PCDHGA5: variants seen among roughly 807,000 people sequenced by gnomAD.
PCDHGA5 encodes protocadherin gamma subfamily A, 5, also known as protocadherin gamma-A5.
PCDHGA5 carries 36 observed loss-of-function variants against 56.7 expected under a neutral mutation model. The observed-to-expected ratio is 0.64, with a 90% CI of 0.49 to 0.84. PCDHGA5 has a LOEUF of 0.84. PCDHGA5 is among the 40% of genes least tolerant of loss of function. PCDHGA5 has a pLI of 0.00. For missense variants in PCDHGA5, 1,305 were observed against 1,201.5 expected (o/e 1.09, Z -1.27); for synonymous variants, 563 against 520.2 (o/e 1.08, Z -1.12).
chr5:141,483,870 G>C (rs548525439), intron 1 of PCDHGA5, among the ~76,000 whole-genome samples: 9 of 152,142 alleles, frequency 5.9e-5, no homozygotes, highest in Non-Finnish European at 1.3e-4. Context: ...TCCAGATCAG[G>C]ATGGATTTTT....
chr5:141,374,564 G>C (rs898196714), intron 1 of PCDHGA5: 10 of 1,613,616 alleles, frequency 6.2e-6, no homozygotes, highest in Middle Eastern at 1.6e-4. Flanking sequence ...CTATGACCCT[G>C]ATGTGGGAAT....
rs377438861 is a variant in PCDHGA5, at chr5:141,364,705, T to G, written c.375T>G (p.Asp125Glu). The G allele has an allele frequency of 8.1e-6, 13 of 1,613,854 alleles. No individual in the cohort carries two copies. The highest frequency in any genetic ancestry group is 6.8e-6 in the Non-Finnish European group (8 of 1,179,894). ...KIYGVEVEII[D>E]INDNFPRFRD... Reference sequence around the variant, plus strand: ...ATGGAGTAGAAGTAGAAATAATCGATATTAATGATAACTTCCCGCGTTTCC... The same window carrying G: ...ATGGAGTAGAAGTAGAAATAATCGAGATTAATGATAACTTCCCGCGTTTCC... Residue 125 changes from aspartate to glutamate, a missense_variant, in exon 1 of 4, where the codon GAT becomes GAG. Physicochemically the swap from Asp to Glu is conservative, Grantham distance 45. Transcript: ENST00000518069.
In PCDHGA5 at chr5:141,485,576, C is replaced by T. The variant is rs1347032247; in HGVS notation, c.2422-9231C>T. ...GAATGATCACGCCCCCCGTTTTCCG[C>T]GGCAGCAGCTGGACTTGGAAATTGG... On this transcript the variant is annotated intron_variant, in intron 1 of 3. Transcript: ENST00000518069. The surrounding 1 kb of genome is among the most constrained non-coding windows in gnomAD (Gnocchi z 5.7). 21 of 1,612,296 alleles carry T rather than the reference C, an allele frequency of 1.3e-5. 1 individual carries two copies. Among genetic ancestry groups the T allele is most frequent in the Non-Finnish European group, 1.8e-5 (21 of 1,178,636 alleles).
intron 1 of PCDHGA5, chr5:141,423,349 T>A (rs2096733716): frequency 6.2e-7 from 1 of 1,614,196 alleles, no homozygotes; most frequent in East Asian, 2.2e-5. Context: ...CTTCCTGGTC[T>A]TTGTCATCGT....
chr5:141,374,711 C>G (rs1770761999), intron 1 of PCDHGA5: 7 of 1,609,366 alleles, frequency 4.3e-6, no homozygotes, highest in Non-Finnish European at 5.1e-6. Flanking sequence ...CGTTTACCGC[C>G]TGGTCCTTAC....
At chr5:141,404,302 T>G (rs377754198) in intron 1 of PCDHGA5, 1 of 1,613,858 alleles carries the variant, frequency 6.2e-7, no homozygotes, top group African/African-American at 1.3e-5. Flanking sequence ...ATAATCCACC[T>G]GCTTTCTCTC....
intron 1 of PCDHGA5, among the ~76,000 whole-genome samples, chr5:141,381,247 GA>G (rs1777085183): frequency 6.6e-6 from 1 of 152,240 alleles, no homozygotes; most frequent in Non-Finnish European, 1.5e-5. Flanking sequence ...CCAGGACCTA[GA>G]AGAATTTACA....
intron 1 of PCDHGA5, among the ~76,000 whole-genome samples, chr5:141,382,012 A>G (rs1777864214): frequency 6.6e-6 from 1 of 151,520 alleles, no homozygotes; most frequent in Admixed American, 6.6e-5. Flanking sequence ...TATTTTTAGT[A>G]GAGACGGGGT....
chr5:141,371,033 A>G, intron 1 of PCDHGA5: 2 of 1,614,008 alleles, frequency 1.2e-6, no homozygotes, highest in Non-Finnish European at 1.7e-6. Context: ...TGGTCCTCAC[A>G]GCTGTGGATG....
chr5:141,381,355 C>T (rs1431564536), intron 1 of PCDHGA5, among the ~76,000 whole-genome samples: 1 of 152,222 alleles, frequency 6.6e-6, no homozygotes, highest in Admixed American at 6.5e-5. Context: ...TTTCTGCTAG[C>T]AGAGGGTAGC....
rs1589320809 is a variant in PCDHGA5, at chr5:141,398,163, G to A, written c.2421+31412G>A. 6 of 1,482,244 alleles carry A rather than the reference G, an allele frequency of 4.0e-6. No homozygotes were observed. The Admixed American group carries it at 1.0e-4, about 26-fold the overall frequency. The allele number at this position is 1,482,244 out of a possible 1,614,324, so 91.8% of individuals were successfully genotyped here. A position where few individuals can be genotyped will look rare whatever the true frequency, so the allele number is the denominator to read the frequency against. Reference sequence around the variant, plus strand: ...GCGCCGGGGAGCTGGGCCGGGCTGAGAGGCTGCCAGTGCTCTTTCTCTTCC... The same window carrying A: ...GCGCCGGGGAGCTGGGCCGGGCTGAAAGGCTGCCAGTGCTCTTTCTCTTCC... On this transcript the variant is annotated intron_variant, in intron 1 of 3. Transcript: ENST00000518069.
chr5:141,457,335 A>G (rs2098917073), intron 1 of PCDHGA5, among the ~76,000 whole-genome samples: 1 of 152,172 alleles, frequency 6.6e-6, no homozygotes, highest in Admixed American at 6.5e-5. Flanking sequence ...CAGGTACCTT[A>G]CTTACTTTCA....
intron 1 of PCDHGA5, among the ~76,000 whole-genome samples, chr5:141,481,065 A>AAAAG (rs1476331686): frequency 6.6e-6 from 1 of 152,164 alleles, no homozygotes; most frequent in African/African-American, 2.4e-5. Context: ...CTCAAAAACA[A>AAAAG]AAAGAAAGAA....
intron 1 of PCDHGA5, chr5:141,404,321 T>C (rs764642673): frequency 1.2e-6 from 2 of 1,613,882 alleles, no homozygotes; most frequent in East Asian, 2.2e-5. Flanking sequence ...TCAAGCCTCC[T>C]ACTCAGTCTA....
In PCDHGA5 at chr5:141,476,504, G is replaced by A; in HGVS notation, c.2422-18303G>A. On this transcript the variant is annotated intron_variant, in intron 1 of 3. Coordinates refer to ENST00000518069, the MANE Select transcript of PCDHGA5 (RefSeq NM_018918.3). This position sits in a 1 kb window ranked among gnomAD's most constrained non-coding sequence, Gnocchi z 7.6. ...GGAAGTGGTGATCCAGGACATCAAC[G>A]ACAACAATCCTGCTTTCCCTACCCA... The A allele has an allele frequency of 6.2e-7, 1 of 1,614,098 alleles. No individual in the cohort carries two copies. The highest frequency in any genetic ancestry group is 2.2e-5 in the East Asian group (1 of 44,854).
chr5:141,422,520 G>T, intron 1 of PCDHGA5: 2 of 1,613,946 alleles, frequency 1.2e-6, no homozygotes, highest in Middle Eastern at 1.6e-4. Flanking sequence ...AGGGAAGCCC[G>T]CCTTTGTCTG....
At chr5:141,370,557 G>A (rs1439774902) in intron 1 of PCDHGA5, 1 of 1,613,966 alleles carries the variant, frequency 6.2e-7, no homozygotes, top group East Asian at 2.2e-5. Context: ...CAAGGACCTG[G>A]GGTTTGGCGT....
intron 1 of PCDHGA5, among the ~76,000 whole-genome samples, chr5:141,402,192 CTT>C (rs1205831935): frequency 6.6e-6 from 1 of 152,006 alleles, no homozygotes; most frequent in Non-Finnish European, 1.5e-5. Flanking sequence ...ATTAATATTA[CTT>C]TTATAATACA....
chr5:141,371,529 A>G lies in PCDHGA5; in HGVS notation c.2421+4778A>G, dbSNP rs200031435. The G allele has an allele frequency of 3.3e-4, 527 of 1,613,610 alleles. No homozygotes were observed. The highest frequency in any genetic ancestry group is 8.3e-4 in the Admixed American group (50 of 59,952). On this transcript the variant is annotated intron_variant, in intron 1 of 3. Transcript: ENST00000518069. ...AACACATGATCTAGATTCTGGATTTAATGGAGAAATCCTATGCCAACTAAA... is the reference window on the plus strand; with the variant it reads ...AACACATGATCTAGATTCTGGATTTGATGGAGAAATCCTATGCCAACTAAA...
Sources: gnomAD v4.1 joint callset for allele counts (sites outside exome capture counted in the v4.1 genomes callset) on GRCh38, gnomAD v4.1.1 for gene constraint, Gnocchi (gnomAD v3.1) non-coding constraint, MANE v1.5 for transcripts, NCBI Gene and HGNC (gene_info 2026-07-23, HGNC 2026-07-21) for gene names.